The following FAM186B variants were observed in gnomAD, a reference collection of about 807,000 sequenced individuals.
FAM186B encodes protein FAM186B.
In FAM186B, 68 loss-of-function variants were observed where a neutral mutation model predicts 83.4. The ratio of observed to expected loss-of-function variants is 0.81; its 90% CI spans 0.67 to 1.00. The LOEUF is 1.00. Among genes scored for constraint, FAM186B ranks in the 50% least tolerant of loss-of-function variants. The pLI is 0.00. For synonymous variants in FAM186B, 389 were observed against 422.0 expected (o/e 0.92, Z 0.96); for missense variants, 983 against 1,099.2 (o/e 0.89, Z 1.49).
intron 5 of FAM186B, among the ~76,000 whole-genome samples, chr12:49,594,874 CA>C (rs35465735): frequency 0.05 from 6,096 of 122,314 alleles, 338 homozygotes; most frequent in African/African-American, 0.16. Flanking sequence ...GACTCTGTCT[CA>C]AAAAAAAAAA....
intron 3 of FAM186B, among the ~76,000 whole-genome samples, chr12:49,601,644 G>C (rs553278089): frequency 1.3e-5 from 2 of 150,254 alleles, no homozygotes; most frequent in African/African-American, 4.9e-5. Context: ...AATAACTAAT[G>C]TCTTTTTCCA....
intron 4 of FAM186B, 43 bp from the exon 5 acceptor site, chr12:49,598,990 C>T (rs976996018): frequency 2.5e-6 from 4 of 1,582,744 alleles, no homozygotes; most frequent in African/African-American, 1.4e-5. Flanking sequence ...GAGAGGCCTC[C>T]TCTATCCCCC....
At chr12:49,614,012 T>C in the FAM186B span, among the ~76,000 whole-genome samples, 1 of 151,822 alleles carries the variant, frequency 6.6e-6, no homozygotes, top group Non-Finnish European at 1.5e-5. Flanking sequence ...TAGCCAGGCA[T>C]GGCAGCGGGT....
chr12:49,615,383 G>C, the FAM186B span, among the ~76,000 whole-genome samples: 1 of 152,150 alleles, frequency 6.6e-6, no homozygotes, highest in Non-Finnish European at 1.5e-5. Context: ...AGACTAAAAA[G>C]TATTTGCAAA....
chr12:49,622,259 C>G, the FAM186B span, among the ~76,000 whole-genome samples: 2 of 134,826 alleles, frequency 1.5e-5, no homozygotes, highest in Non-Finnish European at 3.1e-5. Context: ...GGCTGCGGGC[C>G]GCGCGCCAGT....
intron 5 of FAM186B, among the ~76,000 whole-genome samples, chr12:49,593,596 C>T (rs1057158123): frequency 9.3e-5 from 14 of 149,762 alleles, no homozygotes; most frequent in African/African-American, 3.0e-4. Context: ...CAAGATGGTG[C>T]CACTGCATTG....
At chr12:49,586,132 G>A (rs1457856947), downstream of FAM186B, among the ~76,000 whole-genome samples, 1 of 152,192 alleles carries the variant, frequency 6.6e-6, no homozygotes, top group East Asian at 1.9e-4. Flanking sequence ...GTTGAAAGCA[G>A]GAAGAAAATT....
chr12:49,603,804 G>A (rs546391056), intron 2 of FAM186B, among the ~76,000 whole-genome samples: 1 of 152,256 alleles, frequency 6.6e-6, no homozygotes, highest in South Asian at 2.1e-4. Flanking sequence ...AGTATGCAGG[G>A]GGCAGGGCAC....
rs908900511 is a variant in FAM186B, at chr12:49,604,332, G to T, written c.303C>A (p.Leu101=). 2 of 1,613,654 alleles carry T rather than the reference G, an allele frequency of 1.2e-6. No individual in the cohort carries two copies. The highest frequency in any genetic ancestry group is 1.7e-6 in the Non-Finnish European group (2 of 1,179,636). ...ACTCACCCCAGTCACCCAGCCAGCG[G>T]AGAATGTCATACAGGTGCTTCTCCT... ...MMKEKHLYDI[L]RWLGDWGDTL... Residue 101 remains leucine (L), a synonymous_variant, in exon 2 of 7, where the codon CTC becomes CTA. Transcript: ENST00000257894.
At chr12:49,598,655 T>C (rs1592551386) in intron 5 of FAM186B, 100 bp downstream of exon 5, 1 of 1,085,200 alleles carries the variant, frequency 9.2e-7, no homozygotes, top group Admixed American at 2.7e-5. Context: ...GGTCCCGCAG[T>C]CTCAGCCACA....
At chr12:49,617,349 A>T in the FAM186B span, among the ~76,000 whole-genome samples, 11 of 152,316 alleles carry the variant, frequency 7.2e-5, no homozygotes, top group African/African-American at 2.6e-4. Flanking sequence ...GTTTGAGACC[A>T]GCCTGGGCAA....
At chr12:49,618,907 A>C in the FAM186B span, among the ~76,000 whole-genome samples, 2 of 152,388 alleles carry the variant, frequency 1.3e-5, no homozygotes, top group Middle Eastern at 3.4e-3. Context: ...AGTGCCCAGC[A>C]CAATGGAAGA....
chr12:49,598,559 C>G (rs1939780750), intron 5 of FAM186B, among the ~76,000 whole-genome samples, 196 bp downstream of exon 5: 1 of 152,146 alleles, frequency 6.6e-6, no homozygotes, highest in Non-Finnish European at 1.5e-5. Context: ...GGAAAGCTGC[C>G]CACCCCCATG....
the FAM186B span, among the ~76,000 whole-genome samples, chr12:49,616,177 C>A: frequency 6.6e-6 from 1 of 151,956 alleles, no homozygotes; most frequent in Admixed American, 6.6e-5. Context: ...TTACAGGTGC[C>A]CGCCACCATG....
intron 3 of FAM186B, among the ~76,000 whole-genome samples, 198 bp downstream of exon 3, chr12:49,602,987 C>T (rs998068966): frequency 2.6e-5 from 4 of 152,226 alleles, no homozygotes; most frequent in African/African-American, 4.8e-5. Context: ...CCTCCCTTAG[C>T]GCTGAAGGAC....
chr12:49,621,979 C>G, the FAM186B span, among the ~76,000 whole-genome samples: 1 of 152,226 alleles, frequency 6.6e-6, no homozygotes, highest in Admixed American at 6.5e-5. Context: ...TACAATTATT[C>G]GATTCTATAT....
rs144854212 is a variant in FAM186B at position 49,587,731 on chromosome 12, C to G, written c.2556G>C (p.Glu852Asp). 2.1e-3 allele frequency: 3,368 copies of G among 1,613,660 alleles called. 33 individuals carry two copies. Among genetic ancestry groups the G allele is most frequent in the South Asian group, 0.012 (1,095 of 91,058 alleles). The change falls in exon 7 of 7, where the codon GAG (glutamate) becomes GAC (aspartate). Residue 852 changes from glutamate to aspartate, a missense_variant. By Grantham distance (45) the Glu-to-Asp change is conservative (BLOSUM62 2). Coordinates refer to ENST00000257894, the MANE Select transcript of FAM186B (RefSeq NM_032130.3). ...AGGCCACCTCGGTCTTCCAGACAGC[C>G]TCCATCTGCTTCCCCTGTTGGCTGG... ...QMARQQGKQM[E>D]AVWKTEVASS...
the FAM186B span, among the ~76,000 whole-genome samples, chr12:49,613,707 C>G: frequency 1.3e-5 from 2 of 151,064 alleles, no homozygotes; most frequent in African/African-American, 4.9e-5. Flanking sequence ...GGCATGGTGG[C>G]ATGTACCTGT....
upstream of FAM186B, among the ~76,000 whole-genome samples, chr12:49,610,196 G>GC (rs1940070801): frequency 6.7e-6 from 1 of 150,350 alleles, no homozygotes; most frequent in African/African-American, 2.4e-5. Context: ...AAAAAATTCT[G>GC]TCCCCCCACA....
Sources: allele counts gnomAD v4.1 joint callset (sites outside exome capture counted in the v4.1 genomes callset), GRCh38; gene constraint gnomAD v4.1.1; transcripts MANE v1.5; gene names NCBI Gene and HGNC (gene_info 2026-07-23, HGNC 2026-07-21).